Variants in ATAD5 observed in about 807,000 individuals in gnomAD.
The protein encoded by ATAD5 is ATPase family AAA domain containing 5, also known as ATPase family AAA domain-containing protein 5.
Under a neutral mutation model 176.9 loss-of-function variants are expected in ATAD5, and 58 were observed. The observed-to-expected ratio is 0.33, with a 90% CI of 0.27 to 0.41. The LOEUF is 0.41. Ranked by LOEUF, ATAD5 falls within the 10% of genes least tolerant of loss-of-function variation. The probability of loss-of-function intolerance (pLI) is 1.00; values close to 1 mark genes in which losing one functional copy is unlikely to be tolerated. For synonymous variants in ATAD5, 640 were observed against 712.6 expected (o/e 0.90, Z 1.62); for missense variants, 1,789 against 2,094.1 (o/e 0.85, Z 2.84).
chr17:30,853,599 G>C (rs898043256), intron 6 of ATAD5, among the ~76,000 whole-genome samples: 2 of 152,146 alleles, frequency 1.3e-5, no homozygotes, highest in Non-Finnish European at 2.9e-5. Flanking sequence ...AAAAGTTTTT[G>C]TAGTCTCTTT....
rs750854056 is a variant in ATAD5 at position 30,835,691 on chromosome 17, A to G, written c.1610A>G (p.Glu537Gly). 3.7e-6 allele frequency: 6 copies of G among 1,608,204 alleles called. No individual in the cohort carries two copies. In the African/African-American group the frequency reaches 8.1e-5, roughly 22 times the overall value. The change falls in exon 2 of 23, where the codon GAA (glutamate) becomes GGA (glycine). Residue 537 changes from glutamate (E) to glycine (G), a missense_variant. Physicochemically the swap from Glu to Gly is moderately conservative, Grantham distance 98. Transcript: ENST00000321990. ...FFKSSTLFNN[E>G]SLVYEDIAND... ...AAAAGCAGCACTTTATTTAACAATG[A>G]AAGTCTTGTTTATGAAGATATAGCA...
At chr17:30,892,872 A>G in intron 20 of ATAD5, 84 bp downstream of exon 20, 1 of 1,202,598 alleles carries the variant, frequency 8.3e-7, no homozygotes, top group Middle Eastern at 2.4e-4. Context: ...TTGAATCTTA[A>G]GTTTAACTTA....
intron 6 of ATAD5, among the ~76,000 whole-genome samples, chr17:30,852,230 A>G (rs1305317689): frequency 6.6e-6 from 1 of 152,064 alleles, no homozygotes; most frequent in African/African-American, 2.4e-5. Flanking sequence ...TTGATGCTCA[A>G]ATTGTTTTTA....
In ATAD5 at chr17:30,835,983, G is replaced by A. The variant is rs148419778; in HGVS notation, c.1902G>A (p.Ser634=). The A allele has an allele frequency of 2.3e-5, 37 of 1,613,892 alleles. No individual in the cohort carries two copies. Among genetic ancestry groups the A allele is most frequent in the African/African-American group, 2.1e-4 (16 of 75,006 alleles). The change falls in exon 2 of 23, where the codon TCG becomes TCA. Residue 634 remains serine (S), a synonymous_variant. Transcript: ENST00000321990. ...CCACTCAAAAAGCAGCCAACTTATC[G>A]GAAAAGCACAGCTTATATACAGCAG... ...KASTQKAANL[S]EKHSLYTAEL... is the part of the protein sequence containing the mutation.
chr17:30,863,039 G>GA (rs1043162906), intron 10 of ATAD5: 4 of 150,348 alleles, frequency 2.7e-5, no homozygotes, highest in Non-Finnish European at 5.9e-5. Context: ...AAAAAAAAAA[G>GA]AAAAAAAAAT....
chr17:30,842,781 G>A (rs570371707), intron 4 of ATAD5, among the ~76,000 whole-genome samples: 6 of 152,234 alleles, frequency 3.9e-5, no homozygotes, highest in African/African-American at 1.4e-4. Context: ...TTTTGCTCTT[G>A]TTGCCCAGGC....
intron 21 of ATAD5, 71 bp downstream of exon 21, chr17:30,894,221 C>T: frequency 1.5e-6 from 2 of 1,292,938 alleles, no homozygotes; most frequent in Non-Finnish European, 2.1e-6. Flanking sequence ...AGAGTTTTTT[C>T]TTAATTTAAA....
intron 14 of ATAD5, among the ~76,000 whole-genome samples, chr17:30,873,320 CTT>C (rs775667412): frequency 1.1e-4 from 15 of 137,448 alleles, no homozygotes; most frequent in Non-Finnish European, 1.1e-4. Flanking sequence ...ATTTCTTTTT[CTT>C]TTTTTTTTTT....
chr17:30,836,578 T>A (rs1391612748), intron 2 of ATAD5, among the ~76,000 whole-genome samples: 2 of 152,116 alleles, frequency 1.3e-5, no homozygotes, highest in Non-Finnish European at 2.9e-5. Context: ...AATTTTATTT[T>A]ATTTTGAGAT....
chr17:30,893,779 T>G lies in ATAD5; in HGVS notation c.4926T>G (p.Val1642=), dbSNP rs80059969. Residue 1642 remains valine (V), a synonymous_variant, in exon 21 of 23, where the codon GTT becomes GTG. Coordinates refer to ENST00000321990, the MANE Select transcript of ATAD5 (RefSeq NM_024857.5). ...TTAGKKCSAL[V]SHCLNSLSEF... is the part of the protein sequence containing the mutation. ...CAGGAAAAAAATGTTCTGCCCTTGT[T>G]TCTCATTGTTTAAATTCTCTCTCTG... 2,273 of 1,614,112 alleles carry G rather than the reference T, an allele frequency of 1.4e-3. 53 individuals are homozygous for G. The East Asian group carries it at 0.043, about 31-fold the overall frequency.
intron 14 of ATAD5, among the ~76,000 whole-genome samples, chr17:30,873,320 CTTTT>C (rs775667412): frequency 7.3e-6 from 1 of 137,498 alleles, no homozygotes. Flanking sequence ...ATTTCTTTTT[CTTTT>C]TTTTTTTTTT....
chr17:30,847,151 T>A (rs1245205660), intron 6 of ATAD5, among the ~76,000 whole-genome samples: 1 of 152,196 alleles, frequency 6.6e-6, no homozygotes, highest in Non-Finnish European at 1.5e-5. Flanking sequence ...TCCCATGCAA[T>A]CTCTTATCTG....
In ATAD5 at chr17:30,868,427, T is replaced by A; in HGVS notation, c.3313+15T>A. On this transcript the variant is annotated intron_variant, in intron 12 of 22. Transcript: ENST00000321990. The stretch of plus-strand genomic sequence containing the variant: ...GAAACATGAAGGTATTTTGTGTGTC[T>A]TTTTTTTTTTTTTTACCATTTCACT... 3.0e-5 allele frequency: 5 copies of A among 166,058 alleles called. No individual in the cohort carries two copies. The highest frequency in any genetic ancestry group is 5.1e-5 in the Non-Finnish European group (5 of 97,948). The allele number at this position is 166,058 out of a possible 1,614,324, so 10.3% of individuals were successfully genotyped here. A position where few individuals can be genotyped will look rare whatever the true frequency, so the allele number is the denominator to read the frequency against.
chr17:30,892,022 G>A (rs144195603), intron 19 of ATAD5, among the ~76,000 whole-genome samples: 1 of 152,070 alleles, frequency 6.6e-6, no homozygotes, highest in Non-Finnish European at 1.5e-5. Context: ...TTAATATTAG[G>A]TATTTATTTT....
rs72811659 is a variant in ATAD5 at position 30,852,497 on chromosome 17, A to C, written c.2451-2646A>C. On this transcript the variant is annotated intron_variant, in intron 6 of 22. Coordinates refer to ENST00000321990, the MANE Select transcript of ATAD5 (RefSeq NM_024857.5). ...CAGTGCTTCTAGGCCTTTTCAGTAG[A>C]TAAAGTTAGGATACTGTGTTTGTCT... Among the ~76,000 whole-genome samples, 761 of 152,264 alleles carry C rather than the reference A, an allele frequency of 5.0e-3. 4 individuals carry two copies. Among genetic ancestry groups the C allele is most frequent in the Non-Finnish European group, 8.7e-3 (592 of 68,020 alleles).
intron 14 of ATAD5, 99 bp downstream of exon 14, chr17:30,869,745 T>C (rs1908230793): frequency 1.5e-6 from 2 of 1,345,928 alleles, no homozygotes; most frequent in African/African-American, 3.0e-5. Flanking sequence ...TTTTTTATCT[T>C]CTACACGTAC....
chr17:30,871,878 C>T (rs1908358925), intron 14 of ATAD5, among the ~76,000 whole-genome samples: 1 of 151,904 alleles, frequency 6.6e-6, no homozygotes, highest in Non-Finnish European at 1.5e-5. Flanking sequence ...TAACTTTCTT[C>T]TGTGATGTGG....
intron 7 of ATAD5, among the ~76,000 whole-genome samples, chr17:30,856,656 C>T (rs1420820188): frequency 6.6e-6 from 1 of 152,156 alleles, no homozygotes; most frequent in Non-Finnish European, 1.5e-5. Context: ...GAATTACAGG[C>T]GTGAGCCACC....
intron 19 of ATAD5, among the ~76,000 whole-genome samples, chr17:30,890,503 C>T (rs1158786689): frequency 2.1e-5 from 3 of 144,696 alleles, no homozygotes; most frequent in Non-Finnish European, 4.5e-5. Flanking sequence ...TTTGCTGCAA[C>T]CTCTGCCTCC....
Sources: gnomAD v4.1 joint callset for allele counts (sites outside exome capture counted in the v4.1 genomes callset) on GRCh38, gnomAD v4.1.1 for gene constraint, MANE v1.5 for transcripts, NCBI Gene and HGNC (gene_info 2026-07-23, HGNC 2026-07-21) for gene names.